The following NTNG1 variants were observed in gnomAD, a reference collection of about 807,000 sequenced individuals.
NTNG1 encodes netrin-G1.
A neutral mutation model predicts 54.0 loss-of-function variants in NTNG1; 16 were observed. That is an observed-to-expected ratio of 0.30 (90% confidence interval 0.20 to 0.45). The LOEUF is 0.45. NTNG1 is among the 20% of genes least tolerant of loss of function. The pLI is 1.00. For missense variants in NTNG1, 530 were observed against 678.7 expected (o/e 0.78, Z 2.43); for synonymous variants, 255 against 263.1 (o/e 0.97, Z 0.30).
chr1:107,249,321 A>G (rs1662427892), intron 2 of NTNG1, among the ~76,000 whole-genome samples: 1 of 151,826 alleles, frequency 6.6e-6, no homozygotes, highest in African/African-American at 2.4e-5. Flanking sequence ...CATCTCTACT[A>G]AAAATGCAAA....
intron 2 of NTNG1, among the ~76,000 whole-genome samples, chr1:107,300,169 G>T (rs911798778): frequency 6.6e-6 from 1 of 152,124 alleles, no homozygotes; most frequent in Non-Finnish European, 1.5e-5. Flanking sequence ...TTAAACGCAC[G>T]TACTGACGCT....
At chr1:107,159,703 T>G (rs1655271565) in intron 2 of NTNG1, among the ~76,000 whole-genome samples, 1 of 152,186 alleles carries the variant, frequency 6.6e-6, no homozygotes, top group African/African-American at 2.4e-5. Context: ...AAAATCAAAT[T>G]TTTGATTTGG....
At chr1:107,468,136 G>T (rs932886059) in intron 7 of NTNG1, among the ~76,000 whole-genome samples, 1 of 152,110 alleles carries the variant, frequency 6.6e-6, no homozygotes, top group African/African-American at 2.4e-5. Context: ...ATTAAGAAAA[G>T]TTACCGCTGT....
chr1:107,291,847 C>T (rs768592941), intron 2 of NTNG1, among the ~76,000 whole-genome samples: 2 of 152,064 alleles, frequency 1.3e-5, no homozygotes, highest in Non-Finnish European at 2.9e-5. Context: ...AACTCTGTTA[C>T]ATCAAAAACA....
At chr1:107,165,052 A>T (rs774215513) in intron 2 of NTNG1, among the ~76,000 whole-genome samples, 3 of 152,030 alleles carry the variant, frequency 2.0e-5, no homozygotes, top group Non-Finnish European at 4.4e-5. Context: ...GCGGTTACAG[A>T]ACAGGTGACT....
chr1:107,141,646 G>T (rs985482507), intron 1 of NTNG1, among the ~76,000 whole-genome samples: 1 of 152,078 alleles, frequency 6.6e-6, no homozygotes, highest in African/African-American at 2.4e-5. Context: ...GGAGCCCTAC[G>T]CGCACACACA....
At chr1:107,384,953 C>T (rs2101046831) in intron 3 of NTNG1, among the ~76,000 whole-genome samples, 1 of 152,236 alleles carries the variant, frequency 6.6e-6, no homozygotes, top group East Asian at 1.9e-4. Flanking sequence ...TACTGTCAAA[C>T]TCTGGGTTTT....
rs938962252 is a variant in NTNG1, at chr1:107,157,912, A to G, written c.246+9073A>G. 2.0e-5 allele frequency among the ~76,000 whole-genome samples: 3 copies of G among 152,114 alleles called. No individual in the cohort carries two copies. In the South Asian group the frequency reaches 6.2e-4, roughly 32 times the overall value. ...ATCTTTTTGCCATAGAACAGATATC[A>G]TTTCAGAGACTTTTCCACACTCCTC... On this transcript the variant is annotated intron_variant, in intron 2 of 7. Transcript: ENST00000370068.
intron 2 of NTNG1, among the ~76,000 whole-genome samples, chr1:107,199,326 G>T (rs1658563761): frequency 1.6e-5 from 1 of 63,304 alleles, no homozygotes; most frequent in African/African-American, 3.9e-5. Context: ...CATTACATAT[G>T]TTGTATTTAG....
chr1:107,221,729 T>G (rs763484096), intron 2 of NTNG1, among the ~76,000 whole-genome samples: 1 of 152,256 alleles, frequency 6.6e-6, no homozygotes, highest in East Asian at 1.9e-4. Context: ...CTTGAACCAG[T>G]GCATACTAAG....
intron 3 of NTNG1, among the ~76,000 whole-genome samples, chr1:107,388,555 T>C (rs1393017615): frequency 8.5e-5 from 13 of 152,226 alleles, no homozygotes; most frequent in Admixed American, 8.5e-4. Flanking sequence ...GAGCTTGGTA[T>C]GAAACAATAT....
chr1:107,451,054 T>C (rs1245624017), intron 7 of NTNG1, among the ~76,000 whole-genome samples: 1 of 151,988 alleles, frequency 6.6e-6, no homozygotes, highest in African/African-American at 2.4e-5. Context: ...TTTGTATGTC[T>C]GAAACAAGCA....
chr1:107,226,753 A>G (rs535819512), intron 2 of NTNG1, among the ~76,000 whole-genome samples: 6 of 152,250 alleles, frequency 3.9e-5, no homozygotes, highest in Non-Finnish European at 8.8e-5. Context: ...GCTCATGTAC[A>G]GAGTCTCACC....
intron 2 of NTNG1, among the ~76,000 whole-genome samples, chr1:107,323,052 T>C (rs1667740504): frequency 6.6e-6 from 1 of 151,532 alleles, no homozygotes; most frequent in African/African-American, 2.4e-5. Context: ...ATTCATTATC[T>C]GAGACCTCGC....
At chr1:107,356,850 A>G (rs1669962255) in intron 3 of NTNG1, among the ~76,000 whole-genome samples, 1 of 152,042 alleles carries the variant, frequency 6.6e-6, no homozygotes, top group Admixed American at 6.5e-5. Flanking sequence ...AAAATATATA[A>G]AAGTTAGCCG....
At chr1:107,346,884 TAAAAAAAAAAAAA>T (rs537482440) in intron 3 of NTNG1, among the ~76,000 whole-genome samples, 1 of 97,142 alleles carries the variant, frequency 1.0e-5, no homozygotes, top group Non-Finnish European at 2.0e-5. Flanking sequence ...TTTTCTATCC[TAAAAAAAAAAAAA>T]AAAAAAAAAA....
chr1:107,163,763 A>T (rs1336274246), intron 2 of NTNG1, among the ~76,000 whole-genome samples: 1 of 152,226 alleles, frequency 6.6e-6, no homozygotes, highest in Non-Finnish European at 1.5e-5. Context: ...CGATGTAATA[A>T]CTATTTCTGA....
intron 6 of NTNG1, among the ~76,000 whole-genome samples, chr1:107,435,968 G>T (rs1259499057): frequency 6.6e-6 from 1 of 152,096 alleles, no homozygotes; most frequent in Non-Finnish European, 1.5e-5. Flanking sequence ...ACCTTTTATT[G>T]TGCAAAGCTG....
chr1:107,386,629 A>G (rs991500249), intron 3 of NTNG1, among the ~76,000 whole-genome samples: 31 of 152,294 alleles, frequency 2.0e-4, no homozygotes, highest in African/African-American at 2.6e-4. Flanking sequence ...TTGTTTATCT[A>G]TTCATCAGTT....
Sources: allele counts gnomAD v4.1 joint callset (sites outside exome capture counted in the v4.1 genomes callset), GRCh38; gene constraint gnomAD v4.1.1; transcripts MANE v1.5; gene names NCBI Gene and HGNC (gene_info 2026-07-23, HGNC 2026-07-21).